The following KLRG1 variants were observed in gnomAD, a reference collection of about 807,000 sequenced individuals.
KLRG1 encodes killer cell lectin like receptor G1, also known as killer cell lectin-like receptor subfamily G member 1.
KLRG1 carries 16 observed loss-of-function variants against 21.8 expected under a neutral mutation model. The ratio of observed to expected loss-of-function variants is 0.73; its 90% CI spans 0.50 to 1.11. KLRG1 has a LOEUF of 1.11. KLRG1 is among the 50% of genes most tolerant of loss of function. The probability of loss-of-function intolerance (pLI) is 0.00; values close to 1 mark genes in which losing one functional copy is unlikely to be tolerated. For synonymous variants in KLRG1, 69 were observed against 75.9 expected (o/e 0.91, Z 0.47); for missense variants, 173 against 218.3 (o/e 0.79, Z 1.31).
the KLRG1 span, among the ~76,000 whole-genome samples, chr12:9,198,525 G>A: frequency 3.3e-5 from 5 of 151,938 alleles, no homozygotes; most frequent in African/African-American, 1.2e-4. Flanking sequence ...ACACGCACAC[G>A]TGCACTGACA....
Position 8,992,262 on chromosome 12 carries a change from A to G in KLRG1, c.139A>G (p.Thr47Ala). Residue 47 changes from threonine (T) to alanine (A), a missense_variant, in exon 2 of 5, where the codon ACT becomes GCT. By Grantham distance (58) the Thr-to-Ala change is moderately conservative. Transcript: ENST00000356986. ...TGTGGCAATAGCTTTGGGGCTTCTG[A>G]CTGCAGTTCTTCTGAGTGTGCTGCT... ...CLVAIALGLL[T>A]AVLLSVLLYQ... 2 of 1,613,926 alleles carry G rather than the reference A, an allele frequency of 1.2e-6. No homozygotes were observed. The highest frequency in any genetic ancestry group is 1.7e-6 in the Non-Finnish European group (2 of 1,179,910).
the KLRG1 span, chr12:9,064,992 T>G: frequency 6.6e-6 from 1 of 152,258 alleles, no homozygotes. This position sits in a 1 kb window ranked among gnomAD's most constrained non-coding sequence, Gnocchi z 4.0. Flanking sequence ...GGGCTCGTGA[T>G]CTGCTCCCGG....
chr12:9,173,776 A>G, the KLRG1 span, among the ~76,000 whole-genome samples: 12 of 152,358 alleles, frequency 7.9e-5, no homozygotes, highest in East Asian at 2.1e-3. Context: ...AGACTGAACC[A>G]GGAAGAAACT....
the KLRG1 span, among the ~76,000 whole-genome samples, chr12:9,087,060 A>T: frequency 7.2e-5 from 11 of 152,212 alleles, no homozygotes; most frequent in African/African-American, 2.7e-4. Flanking sequence ...TGTAGAAATA[A>T]ATCTAATCAA....
chr12:9,027,472 G>A, the KLRG1 span: 25 of 797,592 alleles, frequency 3.1e-5, no homozygotes, highest in Non-Finnish European at 4.9e-5. Context: ...TCTGTTGCCT[G>A]TAGCTTCCCT....
In KLRG1 at chr12:9,010,306, T is replaced by C; in HGVS notation, c.*769T>C. The C allele has an allele frequency of 3.0e-6, 1 of 335,722 alleles. No homozygotes were observed. The highest frequency in any genetic ancestry group is 5.4e-6 in the Non-Finnish European group (1 of 184,794). 20.8% of individuals were successfully genotyped at this position (335,722 alleles called of 1,614,324 possible). On this transcript the variant is annotated 3_prime_UTR_variant, in exon 5 of 5. Coordinates refer to ENST00000356986, the MANE Select transcript of KLRG1 (RefSeq NM_005810.4). Reference sequence around the variant, plus strand: ...TGCAAAAACCCGGTCTTAACTGATTTTGTTTTTTTTCTGAGTATGCATATA... The same window carrying C: ...TGCAAAAACCCGGTCTTAACTGATTCTGTTTTTTTTCTGAGTATGCATATA...
the KLRG1 span, among the ~76,000 whole-genome samples, chr12:9,086,895 C>T: frequency 1.3e-5 from 2 of 152,124 alleles, no homozygotes. Context: ...GCTCAAAAGA[C>T]TTCACCAAAG....
At chr12:9,049,930 T>C in the KLRG1 span, among the ~76,000 whole-genome samples, 1 of 152,362 alleles carries the variant, frequency 6.6e-6, no homozygotes, top group Middle Eastern at 3.4e-3. Flanking sequence ...TATTAGTCTG[T>C]GTCTAACCTT....
the KLRG1 span, among the ~76,000 whole-genome samples, chr12:9,031,048 A>T: frequency 6.6e-6 from 1 of 152,220 alleles, no homozygotes; most frequent in Non-Finnish European, 1.5e-5. Context: ...GTGGGCAGAA[A>T]TTAATTTTAA....
At chr12:9,169,540 C>G in the KLRG1 span, 1 of 1,612,906 alleles carries the variant, frequency 6.2e-7, no homozygotes. Context: ...TCCTGCTGGT[C>G]CACATTGTCA....
chr12:9,077,429 A>T, the KLRG1 span: 8 of 1,609,810 alleles, frequency 5.0e-6, no homozygotes, highest in Non-Finnish European at 6.8e-6. Context: ...CCCTGTGAAT[A>T]CGAGAGAGAG....
the KLRG1 span, chr12:9,161,033 C>G: frequency 6.3e-7 from 1 of 1,577,366 alleles, no homozygotes; most frequent in East Asian, 2.2e-5. Flanking sequence ...GGTGACTCAC[C>G]CAGAACTGAG....
chr12:9,052,085 A>G, the KLRG1 span, among the ~76,000 whole-genome samples: 2 of 152,214 alleles, frequency 1.3e-5, no homozygotes, highest in Non-Finnish European at 2.9e-5. Context: ...CATGTGCCTT[A>G]TATAAGAGCG....
the KLRG1 span, chr12:9,166,217 A>C: frequency 3.7e-5 from 60 of 1,607,058 alleles, no homozygotes; most frequent in Admixed American, 1.0e-3. Flanking sequence ...AGTAAGAGAA[A>C]ATTGTCTAGT....
chr12:9,093,961 G>A, the KLRG1 span, among the ~76,000 whole-genome samples: 1 of 152,016 alleles, frequency 6.6e-6, no homozygotes, highest in Non-Finnish European at 1.5e-5. Context: ...TGGGGGAGGA[G>A]GGTCATAAGC....
At chr12:9,158,690 G>A in the KLRG1 span, 5 of 948,610 alleles carry the variant, frequency 5.3e-6, no homozygotes, top group Middle Eastern at 5.3e-4. Flanking sequence ...TCAATCAGCT[G>A]TTACTGAGAG....
the KLRG1 span, among the ~76,000 whole-genome samples, chr12:9,183,848 G>A: frequency 6.6e-6 from 1 of 152,092 alleles, no homozygotes; most frequent in African/African-American, 2.4e-5. Flanking sequence ...TGTTTATACT[G>A]CAAAGCTCTT....
At chr12:9,054,497 A>G in the KLRG1 span, among the ~76,000 whole-genome samples, 1 of 152,180 alleles carries the variant, frequency 6.6e-6, no homozygotes, top group East Asian at 1.9e-4. Context: ...TTTTTATACA[A>G]GCATACAACG....
At chr12:9,085,673 CAAATA>C in the KLRG1 span, among the ~76,000 whole-genome samples, 1 of 151,420 alleles carries the variant, frequency 6.6e-6, no homozygotes, top group Non-Finnish European at 1.5e-5. Context: ...AGAAATAAAT[CAAATA>C]GAGACTAGAA....
Sources: gnomAD v4.1 joint callset for allele counts (sites outside exome capture counted in the v4.1 genomes callset) on GRCh38, gnomAD v4.1.1 for gene constraint, Gnocchi (gnomAD v3.1) non-coding constraint, MANE v1.5 for transcripts, NCBI Gene and HGNC (gene_info 2026-07-23, HGNC 2026-07-21) for gene names.